The following URI1 variants were observed in gnomAD, a reference collection of about 807,000 sequenced individuals.
The protein encoded by URI1 is unconventional prefoldin RPB5 interactor 1.
In URI1, 39 loss-of-function variants were observed where a neutral mutation model predicts 60.2. The ratio of observed to expected loss-of-function variants is 0.65; its 90% CI spans 0.50 to 0.85. The LOEUF (loss-of-function observed/expected upper bound fraction) is 0.85. Ranked by LOEUF, URI1 falls within the 40% of genes least tolerant of loss-of-function variation. The probability of loss-of-function intolerance (pLI) is 0.00; values close to 1 mark genes in which losing one functional copy is unlikely to be tolerated. For synonymous variants in URI1, 251 were observed against 236.8 expected, an observed-to-expected ratio of 1.06 and a Z score of -0.55; for missense variants, 691 against 665.9, an observed-to-expected ratio of 1.04 and a Z score of -0.42.
intron 1 of URI1, among the ~76,000 whole-genome samples, chr19:29,961,661 ATTC>A (rs1369448871): frequency 8.0e-6 from 1 of 125,298 alleles, no homozygotes; most frequent in Non-Finnish European, 1.6e-5. Flanking sequence ...TCTGCTTTTG[ATTC>A]TTTTTTTTTT....
intron 1 of URI1, among the ~76,000 whole-genome samples, chr19:29,936,096 A>G (rs573437192): frequency 1.4e-5 from 2 of 146,264 alleles, no homozygotes; most frequent in African/African-American, 5.1e-5. Flanking sequence ...CTTAAAAAAA[A>G]TTTTTTTTTG....
intron 4 of URI1, among the ~76,000 whole-genome samples, chr19:30,004,831 G>C (rs886822061): frequency 2.0e-4 from 31 of 152,028 alleles, no homozygotes; most frequent in African/African-American, 6.8e-4. Flanking sequence ...GTATTTAGGA[G>C]ATGTTGAAAG....
intron 1 of URI1, among the ~76,000 whole-genome samples, chr19:29,952,473 A>G (rs1178903768): frequency 6.6e-6 from 1 of 152,196 alleles, no homozygotes; most frequent in Non-Finnish European, 1.5e-5. Context: ...TTTAACATTC[A>G]CTAAGTTCAG....
chr19:30,006,998 TTAAAG>T (rs1330937194), intron 6 of URI1, among the ~76,000 whole-genome samples: 2 of 152,074 alleles, frequency 1.3e-5, no homozygotes, highest in Admixed American at 1.3e-4. Flanking sequence ...GCCCTGGAGT[TTAAAG>T]TATCCTGTCA....
At chr19:29,951,866 T>C (rs1160548681) in intron 1 of URI1, among the ~76,000 whole-genome samples, 2 of 152,150 alleles carry the variant, frequency 1.3e-5, no homozygotes, top group Non-Finnish European at 2.9e-5. Context: ...CTTTTTTCAT[T>C]ATTTGATCGT....
intron 1 of URI1, among the ~76,000 whole-genome samples, chr19:29,951,929 G>A (rs1326556018): frequency 3.9e-5 from 6 of 152,126 alleles, no homozygotes; most frequent in African/African-American, 1.2e-4. Context: ...GTTTGCCTTA[G>A]TCCTGAAATT....
intron 1 of URI1, among the ~76,000 whole-genome samples, chr19:29,962,532 A>G (rs947553969): frequency 5.4e-5 from 8 of 146,836 alleles, no homozygotes; most frequent in South Asian, 2.1e-4. Context: ...AATTCTACGT[A>G]TTTTAAACAC....
chr19:29,944,033 G>A (rs2055065676), intron 1 of URI1, among the ~76,000 whole-genome samples: 1 of 148,954 alleles, frequency 6.7e-6, no homozygotes, highest in Admixed American at 6.7e-5. Context: ...CACGTACTTG[G>A]GAGGCTGAGG....
chr19:29,968,715 G>A (rs1214571907), intron 1 of URI1, among the ~76,000 whole-genome samples: 2 of 151,282 alleles, frequency 1.3e-5, no homozygotes, highest in Non-Finnish European at 2.9e-5. Flanking sequence ...AGGACTACAG[G>A]CACCTGCCAC....
In URI1 at chr19:29,942,395, G is replaced by C; in HGVS notation, c.-153G>C. ...ATGCGGCAGCGGGCGGCGCGGACGC[G>C]AACAGCAGCGGCGGCGGCGGGCGCG... On this transcript the variant is annotated 5_prime_UTR_variant, in exon 1 of 11. Coordinates refer to ENST00000392271, the MANE Select transcript of URI1 (RefSeq NM_003796.3). 2.0e-6 allele frequency: 2 copies of C among 983,340 alleles called. No individual in the cohort carries two copies. The highest frequency in any genetic ancestry group is 2.4e-6 in the Non-Finnish European group (2 of 829,110). 60.9% of individuals were successfully genotyped at this position (983,340 alleles called of 1,614,324 possible). A position where few individuals can be genotyped will look rare whatever the true frequency, so the allele number is the denominator to read the frequency against.
intron 1 of URI1, among the ~76,000 whole-genome samples, chr19:29,966,601 A>G (rs2055394416): frequency 6.6e-6 from 1 of 152,228 alleles, no homozygotes. Context: ...CACTATTTGT[A>G]TACTTTGGTA....
intron 1 of URI1, among the ~76,000 whole-genome samples, chr19:29,959,527 G>T (rs1032529995): frequency 6.6e-6 from 1 of 152,124 alleles, no homozygotes; most frequent in Non-Finnish European, 1.5e-5. Context: ...TTTAAGATAC[G>T]ACCTCAATTT....
upstream of URI1, among the ~76,000 whole-genome samples, chr19:29,941,673 A>G (rs2055025712): frequency 1.3e-5 from 2 of 152,140 alleles, no homozygotes; most frequent in South Asian, 4.1e-4. Flanking sequence ...TCCTTGGAAA[A>G]TTTCTTAGTC....
chr19:29,967,735 G>A (rs1435170972), intron 1 of URI1, among the ~76,000 whole-genome samples: 1 of 152,060 alleles, frequency 6.6e-6, no homozygotes, highest in Non-Finnish European at 1.5e-5. Context: ...GCCAGTATAG[G>A]GACTGTGCAC....
intron 1 of URI1, among the ~76,000 whole-genome samples, chr19:29,924,008 C>G (rs915925828): frequency 2.6e-5 from 4 of 152,044 alleles, no homozygotes; most frequent in Non-Finnish European, 4.4e-5. Flanking sequence ...TCAGTTTGAG[C>G]CTGAAGTTCT....
In URI1 at chr19:29,985,248, G is replaced by A; in HGVS notation, c.178G>A (p.Ala60Thr). 2 of 1,601,284 alleles carry A rather than the reference G, an allele frequency of 1.2e-6. No individual in the cohort carries two copies. Among genetic ancestry groups the A allele is most frequent in the Non-Finnish European group, 1.7e-6 (2 of 1,173,842 alleles). Residue 60 changes from alanine (A) to threonine (T), a missense_variant, in exon 3 of 11, where the codon GCC (alanine) becomes ACC (threonine). Coordinates refer to ENST00000392271, the MANE Select transcript of URI1 (RefSeq NM_003796.3). ...HWKKVDNDYN[A>T]LRERLSTLPD... ...GAAGAAGGTAGATAATGACTATAAT[G>A]CCCTTCGAGAAAGACTCAGCACCTT...
At chr19:30,006,695 G>T (rs1351403819) in intron 6 of URI1, among the ~76,000 whole-genome samples, 1 of 152,086 alleles carries the variant, frequency 6.6e-6, no homozygotes, top group Non-Finnish European at 1.5e-5. Flanking sequence ...GAGGTCATCT[G>T]GTAGTGCCAT....
At chr19:29,949,775 C>T (rs557412690) in intron 1 of URI1, among the ~76,000 whole-genome samples, 12 of 152,278 alleles carry the variant, frequency 7.9e-5, no homozygotes, top group African/African-American at 1.4e-4. Context: ...TCAGGCGTGG[C>T]GGCGCGCGCC....
intron 1 of URI1, among the ~76,000 whole-genome samples, chr19:29,968,820 C>G (rs573491710): frequency 1.3e-5 from 2 of 151,788 alleles, no homozygotes; most frequent in Non-Finnish European, 2.9e-5. Context: ...ATCCACCCAC[C>G]TCAGCCTCCC....
Sources: allele counts gnomAD v4.1 joint callset (sites outside exome capture counted in the v4.1 genomes callset), GRCh38; gene constraint gnomAD v4.1.1; transcripts MANE v1.5; gene names NCBI Gene and HGNC (gene_info 2026-07-23, HGNC 2026-07-21).